The following SPRY3 variants were observed in gnomAD, a reference collection of about 807,000 sequenced individuals.
SPRY3 encodes protein sprouty homolog 3.
A neutral mutation model predicts 20.2 loss-of-function variants in SPRY3; 15 were observed. That is an observed-to-expected ratio of 0.74 (90% CI 0.50 to 1.14). The LOEUF (loss-of-function observed/expected upper bound fraction) is 1.14, where lower values mean the gene tolerates loss of function less well. Among genes scored for constraint, SPRY3 ranks in the 50% most tolerant of loss-of-function variants. SPRY3 has a pLI of 0.00. For missense variants in SPRY3, 364 were observed against 363.9 expected (o/e 1.00, Z 0.00); for synonymous variants, 143 against 136.5 (o/e 1.05, Z -0.33).
chrX:155,704,673 G>A lies in SPRY3; in HGVS notation c.-282+47648G>A, dbSNP rs1343351196. On this transcript the variant is annotated intron_variant, in intron 2 of 3. Transcript: ENST00000675360. ...ACACCAAATTGCATACCCAAGCTCA[G>A]AGTGCACCAAACATGACTTTTTAAA... Among the ~76,000 whole-genome samples, 5 of 151,612 alleles carry A rather than the reference G, an allele frequency of 3.3e-5. No homozygotes were observed. In the East Asian group the frequency reaches 9.7e-4, roughly 29 times the overall value.
chrX:155,755,799 T>C (rs2091281531), intron 2 of SPRY3, among the ~76,000 whole-genome samples: 1 of 152,010 alleles, frequency 6.6e-6, no homozygotes, highest in Non-Finnish European at 1.5e-5. Flanking sequence ...GATTCCCTTT[T>C]TAAAAGTTGG....
chrX:155,720,988 T>A (rs896739916), intron 2 of SPRY3, among the ~76,000 whole-genome samples: 3 of 152,204 alleles, frequency 2.0e-5, no homozygotes, highest in African/African-American at 7.2e-5. Flanking sequence ...ATCTGACTTT[T>A]CAGACAGATA....
chrX:155,627,371 T>C (rs2067891587), intron 1 of SPRY3, among the ~76,000 whole-genome samples: 1 of 112,006 alleles, frequency 8.9e-6, no homozygotes, highest in Non-Finnish European at 1.9e-5. Flanking sequence ...CATAATGTCC[T>C]CCAGGTTCAT....
chrX:155,734,447 C>T (rs1385967983), intron 2 of SPRY3, among the ~76,000 whole-genome samples: 1 of 151,694 alleles, frequency 6.6e-6, no homozygotes, highest in Non-Finnish European at 1.5e-5. Context: ...GTAATGGTAA[C>T]GTCAAAGATA....
intron 2 of SPRY3, among the ~76,000 whole-genome samples, chrX:155,659,104 CTTCT>C (rs199567564): frequency 0.12 from 10,154 of 83,821 alleles, 553 homozygotes; most frequent in African/African-American, 0.15. Context: ...TTTTTTCTTT[CTTCT>C]TTCTTTCTTT....
exon 4 of SPRY3, chrX:155,775,816 C>G (rs2091421722): frequency 1.2e-5 from 2 of 167,088 alleles, no homozygotes; most frequent in Non-Finnish European, 2.9e-5. Context: ...TATGTTCTCT[C>G]TTAGAAGCTA....
chrX:155,743,527 G>C (rs2091213119), intron 2 of SPRY3, among the ~76,000 whole-genome samples: 2 of 152,108 alleles, frequency 1.3e-5, no homozygotes, highest in Admixed American at 1.3e-4. Context: ...GGGGATGGCA[G>C]CACCTGCTTT....
downstream of SPRY3, chrX:155,780,436 C>G (rs2091456509): frequency 6.0e-6 from 1 of 166,788 alleles, no homozygotes; most frequent in Non-Finnish European, 1.5e-5. Flanking sequence ...TCCTCATCTT[C>G]AAAGTCTTAC....
chrX:155,774,856 T>G, exon 4 of SPRY3: 1 of 1,212,150 alleles, frequency 8.2e-7, no homozygotes, highest in Non-Finnish European at 1.2e-6. Context: ...GCCTCTCTTT[T>G]GTTCCTGCAG....
chrX:155,729,458 T>A (rs1445279752), intron 2 of SPRY3, among the ~76,000 whole-genome samples: 1 of 152,072 alleles, frequency 6.6e-6, no homozygotes, highest in Non-Finnish European at 1.5e-5. Context: ...TGCTCCTGAA[T>A]GAACAGTGGG....
intron 2 of SPRY3, among the ~76,000 whole-genome samples, chrX:155,693,745 A>G (rs1241635270): frequency 8.9e-6 from 1 of 112,384 alleles, no homozygotes; most frequent in Non-Finnish European, 1.9e-5. Flanking sequence ...TTGAGGCAGG[A>G]TATAATTATA....
At chrX:155,754,208 T>G (rs1156780623) in intron 2 of SPRY3, among the ~76,000 whole-genome samples, 1 of 151,912 alleles carries the variant, frequency 6.6e-6, no homozygotes. Flanking sequence ...ATTCTAAGAG[T>G]TTTGTAGTTT....
At chrX:155,663,004 G>T (rs2068015111) in intron 2 of SPRY3, among the ~76,000 whole-genome samples, 1 of 111,896 alleles carries the variant, frequency 8.9e-6, no homozygotes, top group Non-Finnish European at 1.9e-5. Context: ...ACATAAAAAG[G>T]CTATTTGTGT....
In SPRY3 at chrX:155,736,638, T is replaced by C. The variant is rs185368446; in HGVS notation, c.-281-31324T>C. ...TCTCTTTATCTTTGCTTTCCTGTAG[T>C]TTAAATATGATATGCTTAAGTGTAG... On this transcript the variant is annotated intron_variant, in intron 2 of 3. Transcript: ENST00000675360. Among the ~76,000 whole-genome samples the C allele has an allele frequency of 1.1e-3, 170 of 152,210 alleles. 1 individual carries two copies. The highest frequency in any genetic ancestry group is 4.0e-3 in the African/African-American group (166 of 41,574).
Position 155,718,945 on chromosome X carries a change from C to T in SPRY3, c.-281-49017C>T, listed in dbSNP as rs768915553. On this transcript the variant is annotated intron_variant, in intron 2 of 3. Transcript: ENST00000675360. ...AAAAGTCTCCACCAATCATTCACCC[C>T]ACAAGGACACCAATTTAAAAACTAT... 1.4e-4 allele frequency among the ~76,000 whole-genome samples: 22 copies of T among 152,108 alleles called. No individual in the cohort carries two copies. The South Asian group carries it at 4.4e-3, about 30-fold the overall frequency.
chrX:155,641,281 A>T (rs2067939152), intron 1 of SPRY3, among the ~76,000 whole-genome samples: 1 of 112,089 alleles, frequency 8.9e-6, no homozygotes, highest in Non-Finnish European at 1.9e-5. Context: ...CTTGGTCATG[A>T]TAAATTATCT....
At chrX:155,770,512 AATGCATC>A (rs1270187487) in intron 3 of SPRY3, among the ~76,000 whole-genome samples, 2 of 152,150 alleles carry the variant, frequency 1.3e-5, no homozygotes, top group Non-Finnish European at 2.9e-5. Flanking sequence ...GTGGGTTTAC[AATGCATC>A]ATTCATTACT....
intron 1 of SPRY3, among the ~76,000 whole-genome samples, chrX:155,640,591 C>T (rs1332223922): frequency 1.8e-5 from 2 of 111,757 alleles, no homozygotes; most frequent in African/African-American, 3.2e-5. Context: ...TTTGTGTCCT[C>T]TTAAATTTCT....
At chrX:155,751,691 T>A (rs1165639858) in intron 2 of SPRY3, among the ~76,000 whole-genome samples, 3 of 143,482 alleles carry the variant, frequency 2.1e-5, no homozygotes, top group Non-Finnish European at 3.0e-5. Context: ...TATATAGATT[T>A]TTAAAATTAA....
Sources: allele counts gnomAD v4.1 joint callset (sites outside exome capture counted in the v4.1 genomes callset), GRCh38; gene constraint gnomAD v4.1.1; transcripts MANE v1.5; gene names NCBI Gene and HGNC (gene_info 2026-07-23, HGNC 2026-07-21).